Variants in SPTLC2 observed in about 807,000 individuals in gnomAD.
SPTLC2 encodes the protein serine palmitoyltransferase long chain base subunit 2, also known as serine palmitoyltransferase 2.
Under a neutral mutation model 62.0 loss-of-function variants are expected in SPTLC2, and 21 were observed. The observed-to-expected ratio is 0.34, with a 90% CI of 0.24 to 0.49. The LOEUF is 0.49. Among genes scored for constraint, SPTLC2 ranks in the 20% least tolerant of loss-of-function variants. The probability of loss-of-function intolerance (pLI) is 0.99; values close to 1 mark genes in which losing one functional copy is unlikely to be tolerated. For missense variants in SPTLC2, 511 were observed against 713.0 expected, an observed-to-expected ratio of 0.72 and a Z score of 3.23; for synonymous variants, 261 against 261.8, an observed-to-expected ratio of 1.00 and a Z score of 0.03.
intron 1 of SPTLC2, among the ~76,000 whole-genome samples, chr14:77,610,588 T>C (rs1408961062): frequency 1.3e-5 from 2 of 152,174 alleles, no homozygotes; most frequent in African/African-American, 4.8e-5. Context: ...GCCCAGCCCT[T>C]AATACCTATT....
At chr14:77,513,685 C>T (rs570980610) in intron 11 of SPTLC2, among the ~76,000 whole-genome samples, 2 of 151,788 alleles carry the variant, frequency 1.3e-5, no homozygotes, top group Non-Finnish European at 2.9e-5. Flanking sequence ...CACCTGAGGT[C>T]GGGAGTTTGA....
At chr14:77,611,527 T>C (rs537816072) in intron 1 of SPTLC2, among the ~76,000 whole-genome samples, 1 of 149,912 alleles carries the variant, frequency 6.7e-6, no homozygotes, top group Admixed American at 6.6e-5. Context: ...ATAGACCACA[T>C]TAAAAAACAA....
At chr14:77,535,030 C>T (rs1239986849) in intron 9 of SPTLC2, among the ~76,000 whole-genome samples, 1 of 152,110 alleles carries the variant, frequency 6.6e-6, no homozygotes, top group African/African-American at 2.4e-5. Flanking sequence ...CGGGTTCAAG[C>T]GATTCTCCTG....
intron 6 of SPTLC2, among the ~76,000 whole-genome samples, chr14:77,560,145 C>T (rs552891252): frequency 1.3e-5 from 2 of 152,252 alleles, no homozygotes; most frequent in South Asian, 4.1e-4. Flanking sequence ...TCACCATAGC[C>T]TATGTTGGCC....
At chr14:77,528,690 C>T (rs142311650) in intron 9 of SPTLC2, among the ~76,000 whole-genome samples, 276 of 152,278 alleles carry the variant, frequency 1.8e-3, no homozygotes, top group African/African-American at 6.5e-3. Flanking sequence ...TGGAAAAATA[C>T]TACCCATCAT....
chr14:77,525,915 A>C (rs2079407090), intron 9 of SPTLC2, among the ~76,000 whole-genome samples: 1 of 152,222 alleles, frequency 6.6e-6, no homozygotes, highest in Non-Finnish European at 1.5e-5. Flanking sequence ...ATCTCAAATA[A>C]ATAAATAAAT....
chr14:77,563,756 G>GA (rs1233443003), intron 5 of SPTLC2, among the ~76,000 whole-genome samples: 3 of 152,078 alleles, frequency 2.0e-5, no homozygotes, highest in African/African-American at 7.2e-5. Context: ...ATATTTGGTT[G>GA]AAAAAAATCC....
At chr14:77,536,294 T>C (rs2079469815) in intron 9 of SPTLC2, among the ~76,000 whole-genome samples, 1 of 151,888 alleles carries the variant, frequency 6.6e-6, no homozygotes, top group Admixed American at 6.6e-5. Flanking sequence ...GTTATATATA[T>C]TTACCACAAT....
chr14:77,597,892 G>A (rs554939306), intron 1 of SPTLC2, among the ~76,000 whole-genome samples: 82 of 151,820 alleles, frequency 5.4e-4, no homozygotes, highest in Non-Finnish European at 1.0e-3. Context: ...GGGAGGCCGA[G>A]GCGGACGAAT....
At chr14:77,585,742 A>G (rs1201098971) in intron 2 of SPTLC2, among the ~76,000 whole-genome samples, 6 of 152,252 alleles carry the variant, frequency 3.9e-5, no homozygotes, top group Admixed American at 3.9e-4. Flanking sequence ...CTTGCTAAGT[A>G]AAGGAAAACG....
At chr14:77,539,482 G>GTTT (rs2079488215) in intron 9 of SPTLC2, among the ~76,000 whole-genome samples, 4 of 84,648 alleles carry the variant, frequency 4.7e-5, no homozygotes, top group African/African-American at 1.2e-4. Context: ...ATCTTAAGAG[G>GTTT]CTTTTTTTTT....
At chr14:77,576,495 A>G (rs554604011) in intron 4 of SPTLC2, among the ~76,000 whole-genome samples, 1 of 152,210 alleles carries the variant, frequency 6.6e-6, no homozygotes, top group Admixed American at 6.5e-5. Flanking sequence ...CAATGAAATC[A>G]ACATTAAAGT....
intron 4 of SPTLC2, among the ~76,000 whole-genome samples, chr14:77,573,297 C>A (rs907256390): frequency 9.2e-5 from 14 of 152,030 alleles, no homozygotes; most frequent in Non-Finnish European, 1.6e-4. Flanking sequence ...TAGTTAAAAA[C>A]AATGTATTGT....
chr14:77,571,517 A>AT (rs2079682916), intron 4 of SPTLC2, among the ~76,000 whole-genome samples: 1 of 151,850 alleles, frequency 6.6e-6, no homozygotes, highest in African/African-American at 2.4e-5. Flanking sequence ...TCAAAAAAAA[A>AT]AAAAAAAAAG....
chr14:77,519,009 A>C (rs28419564), intron 10 of SPTLC2, among the ~76,000 whole-genome samples: 32,674 of 152,190 alleles, frequency 0.21, 4,252 homozygotes, highest in African/African-American at 0.36. Context: ...TGTCTAAATA[A>C]CACATTCTAA....
chr14:77,584,677 G>A (rs1243569815), intron 2 of SPTLC2, among the ~76,000 whole-genome samples: 1 of 152,136 alleles, frequency 6.6e-6, no homozygotes, highest in Non-Finnish European at 1.5e-5. Context: ...AAATCAATCT[G>A]AAATACTTTG....
chr14:77,609,844 C>T (rs1418490393), intron 1 of SPTLC2, among the ~76,000 whole-genome samples: 7 of 152,076 alleles, frequency 4.6e-5, no homozygotes, highest in Admixed American at 4.6e-4. Context: ...TGAGCCATGT[C>T]CTGCCAGCCT....
In SPTLC2 at chr14:77,567,833, C is replaced by CTT. The variant is rs34867638; in HGVS notation, c.756+2549_756+2550dup. Among the ~76,000 whole-genome samples, 96 of 145,884 alleles carry CTT rather than the reference C, an allele frequency of 6.6e-4. 1 individual carries two copies. The highest frequency in any genetic ancestry group is 5.3e-3 in the East Asian group (27 of 5,058). On this transcript the variant is annotated intron_variant, in intron 5 of 11. Transcript: ENST00000216484. ...CTAATTTTTTAAGCTACAAGCTTTA[C>CTT]TTTTTTTTTTTAAGATGGAGTCTGG...
At chr14:77,546,378 T>G (rs1204555314) in intron 9 of SPTLC2, among the ~76,000 whole-genome samples, 1 of 152,202 alleles carries the variant, frequency 6.6e-6, no homozygotes, top group Non-Finnish European at 1.5e-5. Flanking sequence ...AGTGACAGTA[T>G]CCACAGAAAA....
Sources: gnomAD v4.1 joint callset for allele counts (sites outside exome capture counted in the v4.1 genomes callset) on GRCh38, gnomAD v4.1.1 for gene constraint, MANE v1.5 for transcripts, NCBI Gene and HGNC (gene_info 2026-07-23, HGNC 2026-07-21) for gene names.